CAMK4: variants seen among roughly 807,000 people sequenced by gnomAD.
The protein encoded by CAMK4 is calcium/calmodulin dependent protein kinase IV, also known as calcium/calmodulin-dependent protein kinase type IV.
CAMK4 carries 22 observed loss-of-function variants against 44.9 expected under a neutral mutation model. The observed-to-expected ratio is 0.49, with a 90% CI of 0.35 to 0.70. CAMK4 has a LOEUF of 0.70. Ranked by LOEUF, CAMK4 falls within the 30% of genes least tolerant of loss-of-function variation. CAMK4 has a pLI of 0.01. For missense variants in CAMK4, 498 were observed against 586.8 expected, an observed-to-expected ratio of 0.85 and a Z score of 1.56; for synonymous variants, 218 against 215.4, an observed-to-expected ratio of 1.01 and a Z score of -0.11.
intron 1 of CAMK4, among the ~76,000 whole-genome samples, chr5:111,334,516 G>T (rs562398519): frequency 2.6e-5 from 4 of 151,524 alleles, no homozygotes; most frequent in Non-Finnish European, 5.9e-5. Context: ...TCTTTAATAT[G>T]ACACACTTTC....
chr5:111,328,220 T>C (rs972111439), intron 1 of CAMK4, among the ~76,000 whole-genome samples: 2 of 150,902 alleles, frequency 1.3e-5, no homozygotes, highest in African/African-American at 2.5e-5. Context: ...GTTTCAGCTT[T>C]CTACATATGG....
At chr5:111,300,166 T>A (rs1747660361) in intron 1 of CAMK4, among the ~76,000 whole-genome samples, 1 of 152,180 alleles carries the variant, frequency 6.6e-6, no homozygotes, top group Non-Finnish European at 1.5e-5. Context: ...ATCACAGAAA[T>A]GATAAAACAA....
chr5:111,356,329 C>T (rs1479174072), intron 2 of CAMK4, among the ~76,000 whole-genome samples: 110 of 150,144 alleles, frequency 7.3e-4, no homozygotes, highest in South Asian at 7.0e-3. Flanking sequence ...TCATATCCTT[C>T]GCCCACTTTT....
Position 111,435,344 on chromosome 5 carries a change from A to C in CAMK4, c.460-11342A>C, listed in dbSNP as rs548386449. Among the ~76,000 whole-genome samples, 4 of 152,208 alleles carry C rather than the reference A, an allele frequency of 2.6e-5. No homozygotes were observed. In the South Asian group the frequency reaches 8.3e-4, roughly 32 times the overall value. On this transcript the variant is annotated intron_variant, in intron 5 of 10. Coordinates refer to ENST00000282356, the MANE Select transcript of CAMK4 (RefSeq NM_001744.6). ...CATCCCAAAACTCTTTTCTTTCTCC[A>C]GTACATTCCAAATATCTACTCTTAT...
chr5:111,388,950 C>T (rs557022350), intron 4 of CAMK4, among the ~76,000 whole-genome samples: 3 of 152,300 alleles, frequency 2.0e-5, no homozygotes, highest in Admixed American at 1.3e-4. Context: ...ATTCACTCTT[C>T]CATCAAGCCA....
intron 7 of CAMK4, among the ~76,000 whole-genome samples, chr5:111,464,951 A>T (rs1416286606): frequency 1.3e-5 from 2 of 152,178 alleles, no homozygotes; most frequent in African/African-American, 4.8e-5. Context: ...GTGATGAGTC[A>T]ATCGGCTTTG....
At position 111,482,546 on chromosome 5, in the gene CAMK4, C is replaced by T. The variant is rs990504854; in HGVS notation, c.829-239C>T. ...TGTTTCTTGACTTCTGTTGGAAAGC[C>T]GTCTGCCACTTTGGGGGTCTCAGGT... On this transcript the variant is annotated intron_variant, in intron 9 of 10. Coordinates refer to ENST00000282356, the MANE Select transcript of CAMK4 (RefSeq NM_001744.6). This position sits in a 1 kb window ranked among gnomAD's most constrained non-coding sequence, Gnocchi z 4.9. The T allele has an allele frequency of 1.6e-5, 5 of 318,274 alleles. No homozygotes were observed. The highest frequency in any genetic ancestry group is 5.0e-5 in the Admixed American group (1 of 20,162). The allele number at this position is 318,274 out of a possible 1,614,324, so 19.7% of individuals were successfully genotyped here. A position where few individuals can be genotyped will look rare whatever the true frequency, so the allele number is the denominator to read the frequency against.
intron 5 of CAMK4, among the ~76,000 whole-genome samples, chr5:111,433,033 A>G (rs1253219695): frequency 6.6e-6 from 1 of 152,190 alleles, no homozygotes; most frequent in Admixed American, 6.5e-5. Context: ...GGAGGCAGAG[A>G]AAATGATTCA....
At chr5:111,238,095 G>C (rs190002649) in intron 1 of CAMK4, among the ~76,000 whole-genome samples, 118 of 152,250 alleles carry the variant, frequency 7.8e-4, no homozygotes, top group African/African-American at 2.7e-3. Context: ...GCAGACACAG[G>C]GCTGAGGGGC....
intron 4 of CAMK4, among the ~76,000 whole-genome samples, chr5:111,385,766 G>A (rs140436186): frequency 1.3e-5 from 2 of 152,096 alleles, no homozygotes; most frequent in African/African-American, 4.8e-5. Context: ...TAGTAGAGAT[G>A]GGGTTTCACT....
chr5:111,234,605 TG>T (rs1483450106), intron 1 of CAMK4, among the ~76,000 whole-genome samples: 3 of 152,218 alleles, frequency 2.0e-5, no homozygotes, highest in African/African-American at 7.2e-5. Context: ...TAAAGTGTTT[TG>T]TGGACAGTAC....
At chr5:111,298,961 T>A (rs2112641700) in intron 1 of CAMK4, among the ~76,000 whole-genome samples, 1 of 152,328 alleles carries the variant, frequency 6.6e-6, no homozygotes, top group African/African-American at 2.4e-5. Context: ...ATGGTGGGCA[T>A]CTCTAGGCTC....
chr5:111,367,745 A>G (rs1451055491), intron 2 of CAMK4, among the ~76,000 whole-genome samples: 2 of 152,126 alleles, frequency 1.3e-5, no homozygotes, highest in Non-Finnish European at 2.9e-5. Context: ...AAGTTAACCC[A>G]TGGGCCAAAT....
chr5:111,424,740 T>C (rs900341658), intron 5 of CAMK4, among the ~76,000 whole-genome samples: 31 of 150,804 alleles, frequency 2.1e-4, no homozygotes, highest in Admixed American at 3.3e-4. Context: ...AGCCACCGCG[T>C]CCAGCCACAT....
chr5:111,322,444 C>A (rs1485682175), intron 1 of CAMK4, among the ~76,000 whole-genome samples: 4 of 152,028 alleles, frequency 2.6e-5, no homozygotes, highest in Non-Finnish European at 5.9e-5. Flanking sequence ...ATAGTTTTAT[C>A]CTAATAACAA....
intron 4 of CAMK4, among the ~76,000 whole-genome samples, chr5:111,384,704 G>T (rs372577135): frequency 5.9e-5 from 9 of 152,004 alleles, no homozygotes; most frequent in African/African-American, 1.7e-4. Flanking sequence ...TTTGAAATCT[G>T]TTCCCTTTTC....
intron 9 of CAMK4, among the ~76,000 whole-genome samples, chr5:111,478,909 T>C (rs532009697): frequency 1.3e-5 from 2 of 152,326 alleles, no homozygotes; most frequent in African/African-American, 4.8e-5. Flanking sequence ...AGACAAGGTC[T>C]CACTGTCACC....
chr5:111,483,250 CTG>C (rs774767833), intron 10 of CAMK4, among the ~76,000 whole-genome samples: 4 of 152,020 alleles, frequency 2.6e-5, no homozygotes, highest in African/African-American at 7.2e-5. Flanking sequence ...TCAGGGAAAA[CTG>C]ATATTTATTC....
intron 1 of CAMK4, among the ~76,000 whole-genome samples, chr5:111,323,534 A>T (rs971274400): frequency 6.6e-6 from 1 of 152,024 alleles, no homozygotes; most frequent in Non-Finnish European, 1.5e-5. Flanking sequence ...GAAAACAGTG[A>T]ATATGAATGA....
Sources: gnomAD v4.1 joint callset for allele counts (sites outside exome capture counted in the v4.1 genomes callset) on GRCh38, gnomAD v4.1.1 for gene constraint, Gnocchi (gnomAD v3.1) non-coding constraint, MANE v1.5 for transcripts, NCBI Gene and HGNC (gene_info 2026-07-23, HGNC 2026-07-21) for gene names.